The following TRPA1 variants were observed in gnomAD, a reference collection of about 807,000 sequenced individuals.
The protein encoded by TRPA1 is transient receptor potential cation channel subfamily A member 1.
In TRPA1, 129 loss-of-function variants were observed where a neutral mutation model predicts 131.3. The ratio of observed to expected loss-of-function variants is 0.98; its 90% CI spans 0.85 to 1.14. TRPA1 has a LOEUF of 1.14. Among genes scored for constraint, TRPA1 ranks in the 50% most tolerant of loss-of-function variants. TRPA1 has a pLI of 0.00. For missense variants in TRPA1, 1,304 were observed against 1,354.2 expected (o/e 0.96, Z 0.58); for synonymous variants, 441 against 451.7 (o/e 0.98, Z 0.30).
chr8:72,070,949 T>TG (rs996193789), intron 2 of TRPA1, among the ~76,000 whole-genome samples: 1 of 152,198 alleles, frequency 6.6e-6, no homozygotes, highest in African/African-American at 2.4e-5. Context: ...TTCTTCCTTT[T>TG]GGGGGATGAT....
intron 1 of TRPA1, among the ~76,000 whole-genome samples, chr8:72,072,088 G>C (rs1160184415): frequency 6.6e-6 from 1 of 152,120 alleles, no homozygotes; most frequent in Non-Finnish European, 1.5e-5. Context: ...TTTTTATCAT[G>C]AACTCATTCA....
chr8:72,047,063 C>A, intron 16 of TRPA1, 85 bp downstream of exon 16: 1 of 1,042,360 alleles, frequency 9.6e-7, no homozygotes, highest in Non-Finnish European at 1.5e-6. Flanking sequence ...CAGTAGATTA[C>A]AGATCAATAG....
intron 13 of TRPA1, chr8:72,053,493 C>A: frequency 2.0e-6 from 1 of 496,294 alleles, no homozygotes; most frequent in Non-Finnish European, 3.7e-6. Flanking sequence ...AAACGCTTTA[C>A]CATCAAATTT....
At chr8:72,088,945 A>T in the TRPA1 span, among the ~76,000 whole-genome samples, 8 of 152,358 alleles carry the variant, frequency 5.3e-5, no homozygotes, top group African/African-American at 1.4e-4. Flanking sequence ...TGATAAGATT[A>T]TTTAAAATGT....
At chr8:72,047,102 A>G (rs771231017) in intron 16 of TRPA1, 46 bp downstream of exon 16, 4 of 1,397,166 alleles carry the variant, frequency 2.9e-6, no homozygotes, top group Non-Finnish European at 4.0e-6. Flanking sequence ...TTTTCAAAGA[A>G]TTATAACAAA....
upstream of TRPA1, among the ~76,000 whole-genome samples, chr8:72,076,086 T>A (rs141829410): frequency 1.5e-3 from 227 of 152,320 alleles, 2 homozygotes; most frequent in South Asian, 0.016. Context: ...ACAAAACTTC[T>A]CATTCCAAAC....
At chr8:72,065,009 G>A (rs916734411) in intron 4 of TRPA1, among the ~76,000 whole-genome samples, 1 of 152,180 alleles carries the variant, frequency 6.6e-6, no homozygotes, top group Non-Finnish European at 1.5e-5. Flanking sequence ...CAGGTCTTGG[G>A]AGCTGTGTTT....
chr8:72,085,777 T>A, the TRPA1 span, among the ~76,000 whole-genome samples: 1 of 152,220 alleles, frequency 6.6e-6, no homozygotes, highest in Non-Finnish European at 1.5e-5. Context: ...TTGCATTTGT[T>A]CTTTTCATAT....
chr8:72,042,662 G>A (rs1225018313), intron 17 of TRPA1, among the ~76,000 whole-genome samples: 2 of 151,812 alleles, frequency 1.3e-5, no homozygotes, highest in Non-Finnish European at 2.9e-5. Flanking sequence ...GCAACCCAGT[G>A]TCTTCAACAG....
chr8:72,047,279 C>A (rs767633911), intron 15 of TRPA1, 72 bp from the exon 16 acceptor site: 8 of 1,122,414 alleles, frequency 7.1e-6, no homozygotes, highest in Non-Finnish European at 1.1e-5. Flanking sequence ...TATCCTATTT[C>A]TGAAATAATA....
chr8:72,041,573 A>G (rs907607481), intron 17 of TRPA1, among the ~76,000 whole-genome samples: 1 of 151,988 alleles, frequency 6.6e-6, no homozygotes. Context: ...ATGAAAATCG[A>G]AAAACCTGTG....
intron 23 of TRPA1, among the ~76,000 whole-genome samples, chr8:72,032,847 T>TAC (rs765422509): frequency 1.3e-5 from 2 of 152,210 alleles, no homozygotes; most frequent in Non-Finnish European, 2.9e-5. Context: ...CACTGCCTAG[T>TAC]ACAGTCTCTG....
chr8:72,082,413 A>G, the TRPA1 span, among the ~76,000 whole-genome samples: 1 of 152,082 alleles, frequency 6.6e-6, no homozygotes, highest in Non-Finnish European at 1.5e-5. Context: ...AAACACACAC[A>G]CGGACTTTTA....
chr8:72,023,929 G>A lies in TRPA1; in HGVS notation c.3052-18C>T. On this transcript the variant is annotated intron_variant, in intron 25 of 26. Transcript: ENST00000262209. ...AATATATGCTGTCGGATAAAAAATA[G>A]TAGTTACTCAAATTGAATTCAATTC... 6.7e-7 allele frequency: 1 copy of A among 1,490,522 alleles called. No individual in the cohort carries two copies. Among genetic ancestry groups the A allele is most frequent in the Non-Finnish European group, 9.4e-7 (1 of 1,068,978 alleles). 92.3% of individuals were successfully genotyped at this position (1,490,522 alleles called of 1,614,324 possible).
At chr8:72,071,115 C>T (rs1047335093) in intron 2 of TRPA1, among the ~76,000 whole-genome samples, 1 of 152,200 alleles carries the variant, frequency 6.6e-6, no homozygotes, top group African/African-American at 2.4e-5. Context: ...AGCCTCACAA[C>T]CCTGGTGAAC....
chr8:72,034,719 C>A (rs570560564), intron 21 of TRPA1, among the ~76,000 whole-genome samples: 1 of 152,132 alleles, frequency 6.6e-6, no homozygotes, highest in Non-Finnish European at 1.5e-5. Context: ...CTCAGCTTCC[C>A]GAGTAGCCGG....
At position 72,069,069 on chromosome 8, in the gene TRPA1, G is replaced by A; in HGVS notation, c.398C>T (p.Ala133Val). The change falls in exon 3 of 27, where the codon GCT becomes GTT. Residue 133 changes from alanine (A) to valine (V), a missense_variant. Physicochemically the swap from Ala to Val is moderately conservative, Grantham distance 64. Transcript: ENST00000262209. The stretch of plus-strand genomic sequence containing the variant: ...GCCCTGCACAGCTATGTGGAGAGGA[G>A]CCATCATGTTGAAGTTTCGGAGATT... ...NPNLRNFNMMAPLHIAVQGMN... is the reference protein window; with the variant it reads ...NPNLRNFNMMVPLHIAVQGMN... 3 of 1,614,210 alleles carry A rather than the reference G, an allele frequency of 1.9e-6. No homozygotes were observed. The highest frequency in any genetic ancestry group is 2.2e-5 in the East Asian group (1 of 44,888).
intron 7 of TRPA1, among the ~76,000 whole-genome samples, chr8:72,059,875 AAAAGGCAGTGTTAG>A (rs1805766743): frequency 6.6e-6 from 1 of 152,328 alleles, no homozygotes; most frequent in Non-Finnish European, 1.5e-5. Context: ...GGCAAAAGTT[AAAAGGCAGTGTTAG>A]CTTTTCTGAG....
At chr8:72,084,678 G>A in the TRPA1 span, among the ~76,000 whole-genome samples, 3 of 137,956 alleles carry the variant, frequency 2.2e-5, no homozygotes, top group Admixed American at 7.5e-5. Flanking sequence ...TTGAGACAGG[G>A]TCTAGCTCTG....
Sources: gnomAD v4.1 joint callset for allele counts (sites outside exome capture counted in the v4.1 genomes callset) on GRCh38, gnomAD v4.1.1 for gene constraint, MANE v1.5 for transcripts, NCBI Gene and HGNC (gene_info 2026-07-23, HGNC 2026-07-21) for gene names.